The following UST variants were observed in gnomAD, a reference collection of about 807,000 sequenced individuals.
The protein encoded by UST is chondroitin sulfate 2-O-sulfotransferase.
A neutral mutation model predicts 45.6 loss-of-function variants in UST; 21 were observed. The ratio of observed to expected loss-of-function variants is 0.46; its 90% CI spans 0.33 to 0.66. The LOEUF is 0.66. Ranked by LOEUF, UST falls within the 30% of genes least tolerant of loss-of-function variation. UST has a pLI of 0.02. For synonymous variants in UST, 215 were observed against 200.6 expected (o/e 1.07, Z -0.61); for missense variants, 463 against 512.4 (o/e 0.90, Z 0.93).
chr6:148,998,749 A>C (rs1044660236), intron 5 of UST, among the ~76,000 whole-genome samples: 7 of 152,236 alleles, frequency 4.6e-5, no homozygotes, highest in Admixed American at 2.0e-4. Flanking sequence ...AGAAGGATAG[A>C]TAGTCCCATT....
At position 148,944,508 on chromosome 6, in the gene UST, T is replaced by TACACACACACAC. The variant is rs10663979; in HGVS notation, c.447+3102_447+3113dup. On this transcript the variant is annotated intron_variant, in intron 3 of 7. Transcript: ENST00000367463. ...GCTCTCTGGAGGGTAGTTGTGATCA[T>TACACACACACAC]ACACACACACACACACACACACACA... Among the ~76,000 whole-genome samples, 300 of 142,632 alleles carry TACACACACACAC rather than the reference T, an allele frequency of 2.1e-3. 2 individuals carry two copies. The highest frequency in any genetic ancestry group is 0.015 in the East Asian group (74 of 4,928). The allele number at this position is 142,632 out of a possible 152,430, so 93.6% of individuals were successfully genotyped here.
chr6:148,825,863 G>T (rs1777559214), intron 1 of UST, among the ~76,000 whole-genome samples: 1 of 152,202 alleles, frequency 6.6e-6, no homozygotes, highest in African/African-American at 2.4e-5. Context: ...GTTGGCCTCA[G>T]TGTGAATTTC....
intron 1 of UST, among the ~76,000 whole-genome samples, chr6:148,873,776 C>T (rs1778601296): frequency 6.6e-6 from 1 of 151,928 alleles, no homozygotes; most frequent in African/African-American, 2.4e-5. Context: ...GAATGAGGTC[C>T]GGAGAGTGCT....
intron 1 of UST, among the ~76,000 whole-genome samples, chr6:148,862,968 A>AG (rs1477477503): frequency 6.6e-6 from 1 of 152,124 alleles, no homozygotes; most frequent in Non-Finnish European, 1.5e-5. Flanking sequence ...TCTGACAATT[A>AG]GGTGTCTTGG....
At chr6:148,847,043 C>T (rs959013477) in intron 1 of UST, among the ~76,000 whole-genome samples, 4 of 152,226 alleles carry the variant, frequency 2.6e-5, no homozygotes, top group African/African-American at 9.6e-5. Flanking sequence ...ATGAACAGTT[C>T]ACTTGGATAT....
chr6:148,985,892 G>A (rs767479181), intron 5 of UST, among the ~76,000 whole-genome samples: 3 of 152,166 alleles, frequency 2.0e-5, no homozygotes, highest in Non-Finnish European at 4.4e-5. Context: ...GATTGGATGT[G>A]CAAGAGATTT....
chr6:148,941,530 A>G, intron 3 of UST, 96 bp downstream of exon 3: 1 of 1,331,350 alleles, frequency 7.5e-7, no homozygotes, highest in Non-Finnish European at 1.0e-6. Flanking sequence ...ACTCCTGATG[A>G]GTGAATACCA....
chr6:148,850,505 C>A (rs1348840927), intron 1 of UST, among the ~76,000 whole-genome samples: 1 of 152,150 alleles, frequency 6.6e-6, no homozygotes, highest in East Asian at 1.9e-4. Context: ...GACAACCAAT[C>A]TAAGAAAGCC....
At chr6:148,929,958 A>G (rs1191333730) in intron 2 of UST, among the ~76,000 whole-genome samples, 1 of 152,232 alleles carries the variant, frequency 6.6e-6, no homozygotes. Context: ...TAGCCAAATC[A>G]AACATGGGAG....
chr6:148,822,372 T>G (rs1777484107), intron 1 of UST, among the ~76,000 whole-genome samples: 1 of 152,176 alleles, frequency 6.6e-6, no homozygotes, highest in Non-Finnish European at 1.5e-5. Context: ...ATACTTACAT[T>G]TTTGCTCAAG....
At chr6:148,853,675 C>T (rs951909853) in intron 1 of UST, among the ~76,000 whole-genome samples, 2 of 152,116 alleles carry the variant, frequency 1.3e-5, no homozygotes, top group Non-Finnish European at 2.9e-5. Flanking sequence ...GAGATGGTAT[C>T]TTATTGTGGT....
intron 2 of UST, among the ~76,000 whole-genome samples, chr6:148,901,215 C>G (rs1159649717): frequency 6.6e-6 from 1 of 152,186 alleles, no homozygotes; most frequent in Non-Finnish European, 1.5e-5. Context: ...GGACAGAAGT[C>G]ATCTGAAATA....
chr6:149,021,580 C>G, intron 7 of UST, 99 bp downstream of exon 7: 1 of 1,388,116 alleles, frequency 7.2e-7, no homozygotes, highest in Non-Finnish European at 9.8e-7. Flanking sequence ...GAAATGATCT[C>G]TTCTGATGAC....
intron 1 of UST, among the ~76,000 whole-genome samples, chr6:148,784,246 A>G (rs968728580): frequency 1.3e-5 from 2 of 152,206 alleles, no homozygotes; most frequent in African/African-American, 4.8e-5. Flanking sequence ...AAAGTTCCCC[A>G]CTTAAGTTTC....
rs56994081 is a variant in UST, at chr6:149,058,345, A to ATGTG, written c.938-15448_938-15445dup. On this transcript the variant is annotated intron_variant, in intron 7 of 7. Transcript: ENST00000367463. Reference sequence around the variant, plus strand: ...GCCTCCTCCCTGCCAAAGGAGGAGCATGTGTGTGTGTGTGTGTGTGTGTGT... The same window carrying ATGTG: ...GCCTCCTCCCTGCCAAAGGAGGAGCATGTGTGTGTGTGTGTGTGTGTGTGTGTGT... Among the ~76,000 whole-genome samples, 561 of 119,788 alleles carry ATGTG rather than the reference A, an allele frequency of 4.7e-3. 2 individuals carry two copies. The highest frequency in any genetic ancestry group is 0.021 in the East Asian group (92 of 4,322). The allele number at this position is 119,788 out of a possible 152,430, so 78.6% of individuals were successfully genotyped here. A position where few individuals can be genotyped will look rare whatever the true frequency, so the allele number is the denominator to read the frequency against.
At chr6:149,047,942 A>G (rs1776417301) in intron 7 of UST, among the ~76,000 whole-genome samples, 1 of 152,230 alleles carries the variant, frequency 6.6e-6, no homozygotes, top group African/African-American at 2.4e-5. Flanking sequence ...GCACAAGCTC[A>G]GATAGACAAG....
chr6:148,971,477 A>G (rs1238044616), intron 5 of UST, among the ~76,000 whole-genome samples: 2 of 152,174 alleles, frequency 1.3e-5, no homozygotes, highest in African/African-American at 2.4e-5. Context: ...TGTAGGATGT[A>G]GGCTGCATCC....
At chr6:148,797,228 G>A (rs916929299) in intron 1 of UST, among the ~76,000 whole-genome samples, 3 of 152,104 alleles carry the variant, frequency 2.0e-5, no homozygotes, top group African/African-American at 7.2e-5. Flanking sequence ...AGTCAGCTAT[G>A]ATCACACCAC....
chr6:148,931,164 A>G (rs1222819840), intron 2 of UST, among the ~76,000 whole-genome samples: 1 of 152,276 alleles, frequency 6.6e-6, no homozygotes, highest in Non-Finnish European at 1.5e-5. Flanking sequence ...CATGCCAACA[A>G]TATCTGCTAT....
Sources: allele counts gnomAD v4.1 joint callset (sites outside exome capture counted in the v4.1 genomes callset), GRCh38; gene constraint gnomAD v4.1.1; transcripts MANE v1.5; gene names NCBI Gene and HGNC (gene_info 2026-07-23, HGNC 2026-07-21).